Variants in AIPL1 observed in about 807,000 individuals in gnomAD.
The protein encoded by AIPL1 is AIP like 1 HSP90 co-chaperone.
Under a neutral mutation model 32.9 loss-of-function variants are expected in AIPL1, and 23 were observed. That is an observed-to-expected ratio of 0.70 (90% CI 0.50 to 0.99). AIPL1 has a LOEUF of 0.99. Ranked by LOEUF, AIPL1 falls within the 50% of genes least tolerant of loss-of-function variation. The probability of loss-of-function intolerance (pLI) is 0.00; values close to 1 mark genes in which losing one functional copy is unlikely to be tolerated. For missense variants in AIPL1, 485 were observed against 506.0 expected (o/e 0.96, Z 0.40); for synonymous variants, 210 against 209.4 (o/e 1.00, Z -0.02).
chr17:6,425,269 C>T lies in AIPL1; in HGVS notation c.*191G>A. On this transcript the variant is annotated 3_prime_UTR_variant, in exon 6 of 6. Transcript: ENST00000381129. ...GGAATGAGAGGGGTAGAGGAGAAAA[C>T]TACTTTTATTCATAAGCTCTTCTGT... 1 of 670,308 alleles carries T rather than the reference C, an allele frequency of 1.5e-6. No homozygotes were observed. Among genetic ancestry groups the T allele is most frequent in the Non-Finnish European group, 2.3e-6 (1 of 441,788 alleles). The allele number at this position is 670,308 out of a possible 1,614,324, so 41.5% of individuals were successfully genotyped here. A position where few individuals can be genotyped will look rare whatever the true frequency, so the allele number is the denominator to read the frequency against.
Position 6,425,313 on chromosome 17 carries a change from T to G in AIPL1, c.*147A>C, listed in dbSNP as rs886053267. 35 of 1,065,456 alleles carry G rather than the reference T, an allele frequency of 3.3e-5. No homozygotes were observed. Among genetic ancestry groups the G allele is most frequent in the South Asian group, 4.0e-5 (2 of 50,076 alleles). 66.0% of individuals were successfully genotyped at this position (1,065,456 alleles called of 1,614,324 possible). ...CTTCTGTACCCTTGGGATTGTTTTT[T>G]TTTTTTTTTTTACCATGGGTGTGTC... On this transcript the variant is annotated 3_prime_UTR_variant, in exon 6 of 6. Transcript: ENST00000381129.
At chr17:6,429,282 C>T (rs144823554) in intron 2 of AIPL1, among the ~76,000 whole-genome samples, 2 of 152,254 alleles carry the variant, frequency 1.3e-5, no homozygotes, top group Non-Finnish European at 2.9e-5. Context: ...CTCCTTGGAC[C>T]GGCTTCTGAG....
chr17:6,425,675 C>G lies in AIPL1; in HGVS notation c.940G>C (p.Glu314Gln). 1.2e-6 allele frequency: 2 copies of G among 1,610,252 alleles called. No individual in the cohort carries two copies. The highest frequency in any genetic ancestry group is 1.7e-6 in the Non-Finnish European group (2 of 1,179,974). ...CGCAGCCGCTCCTCCTCCTGCTTCT[C>G]CGCCATGCGGTTCTCCAGCAGCCTC... ...ELRLLENRMA[E>Q]KQEEERLRCR... The change falls in exon 6 of 6, where the codon GAG becomes CAG. Residue 314 changes from glutamate (E) to glutamine (Q), a missense_variant. By Grantham distance (29) the Glu-to-Gln change is conservative. Transcript: ENST00000381129.
chr17:6,424,211 A>T lies in AIPL1; in HGVS notation c.*1249T>A, dbSNP rs1458007902. On this transcript the variant is annotated 3_prime_UTR_variant, in exon 6 of 6. Coordinates refer to ENST00000381129, the MANE Select transcript of AIPL1 (RefSeq NM_014336.5). Reference sequence around the variant, plus strand: ...ACCAGACTAACTTGAAGATGAGCTAAAACAGGGGCGAGTGGAAGCGGCTTT... The same window carrying T: ...ACCAGACTAACTTGAAGATGAGCTATAACAGGGGCGAGTGGAAGCGGCTTT... The T allele has an allele frequency of 6.6e-6, 1 of 152,330 alleles. No homozygotes were observed. The highest frequency in any genetic ancestry group is 1.9e-4 in the East Asian group (1 of 5,202). 9.4% of individuals were successfully genotyped at this position (152,330 alleles called of 1,614,324 possible).
intron 2 of AIPL1, among the ~76,000 whole-genome samples, chr17:6,429,116 T>C (rs58467163): frequency 0.077 from 11,704 of 152,250 alleles, 1,127 homozygotes; most frequent in African/African-American, 0.22. Context: ...GGTGCAGATA[T>C]AGATCTGGCT....
chr17:6,434,125 TCTAGACA>T, intron 1 of AIPL1, 27 bp from the exon 2 acceptor site: 1 of 1,608,644 alleles, frequency 6.2e-7, no homozygotes, highest in Non-Finnish European at 8.5e-7. Context: ...TGCACTCTGC[TCTAGACA>T]CACTGTTCAA....
intron 2 of AIPL1, among the ~76,000 whole-genome samples, chr17:6,430,555 G>A (rs1030813090): frequency 7.3e-5 from 11 of 151,100 alleles, no homozygotes; most frequent in Admixed American, 7.3e-4. Flanking sequence ...GACTCCACAG[G>A]AAACAAAGAG....
rs77115868 is a variant in AIPL1, at chr17:6,425,307, G to GTTTTTT, written c.*147_*152dup. 4.0e-6 allele frequency: 3 copies of GTTTTTT among 745,702 alleles called. No homozygotes were observed. Among genetic ancestry groups the GTTTTTT allele is most frequent in the African/African-American group, 3.9e-5 (2 of 51,898 alleles). The allele number at this position is 745,702 out of a possible 1,614,324, so 46.2% of individuals were successfully genotyped here. On this transcript the variant is annotated 3_prime_UTR_variant, in exon 6 of 6. Coordinates refer to ENST00000381129, the MANE Select transcript of AIPL1 (RefSeq NM_014336.5). ...TAAGCTCTTCTGTACCCTTGGGATT[G>GTTTTTT]TTTTTTTTTTTTTTTTTACCATGGG...
At chr17:6,431,186 C>T (rs1204434726) in intron 2 of AIPL1, among the ~76,000 whole-genome samples, 2 of 152,096 alleles carry the variant, frequency 1.3e-5, no homozygotes, top group Non-Finnish European at 2.9e-5. Flanking sequence ...TGGCTCACGC[C>T]TGTAATCCCA....
intron 2 of AIPL1, among the ~76,000 whole-genome samples, chr17:6,431,183 C>T (rs763430399): frequency 9.2e-5 from 14 of 152,094 alleles, no homozygotes; most frequent in African/African-American, 1.9e-4. Flanking sequence ...TGGTGGCTCA[C>T]GCCTGTAATC....
At position 6,425,367 on chromosome 17, in the gene AIPL1, AT is replaced by A; in HGVS notation, c.*92del. On this transcript the variant is annotated 3_prime_UTR_variant, in exon 6 of 6. Coordinates refer to ENST00000381129, the MANE Select transcript of AIPL1 (RefSeq NM_014336.5). ...CTTTGATTTCAAAAATTAATTTTAA[AT>A]TTTAAAAAGTGACACCACGATCCTG... 1 of 1,418,544 alleles carries A rather than the reference AT, an allele frequency of 7.0e-7. No homozygotes were observed. Among genetic ancestry groups the A allele is most frequent in the Non-Finnish European group, 9.3e-7 (1 of 1,074,550 alleles). 87.9% of individuals were successfully genotyped at this position (1,418,544 alleles called of 1,614,324 possible). A position where few individuals can be genotyped will look rare whatever the true frequency, so the allele number is the denominator to read the frequency against.
chr17:6,433,050 C>T (rs1912765379), intron 2 of AIPL1, among the ~76,000 whole-genome samples: 1 of 152,212 alleles, frequency 6.6e-6, no homozygotes, highest in South Asian at 2.1e-4. Context: ...GTGGCCGGCA[C>T]TGGGTGACAG....
Position 6,425,804 on chromosome 17 carries a change from C to T in AIPL1, c.811G>A (p.Ala271Thr). ...PGIVKAYYVRARAHAEVWNEA... is the reference protein window; with the variant it reads ...PGIVKAYYVRTRAHAEVWNEA... Reference sequence around the variant, plus strand: ...TTCCACACCTCTGCGTGAGCCCGGGCACGCACGTAGTAGGCCTTCACGATG... The same window carrying T: ...TTCCACACCTCTGCGTGAGCCCGGGTACGCACGTAGTAGGCCTTCACGATG... The change falls in exon 6 of 6, where the codon GCC becomes ACC. Residue 271 changes from alanine (A) to threonine (T), a missense_variant. Transcript: ENST00000381129. 1 of 1,605,266 alleles carries T rather than the reference C, an allele frequency of 6.2e-7. No individual in the cohort carries two copies. The highest frequency in any genetic ancestry group is 1.3e-5 in the African/African-American group (1 of 75,046).
At chr17:6,426,847 C>A in intron 4 of AIPL1, 34 bp downstream of exon 4, 1 of 1,613,182 alleles carries the variant, frequency 6.2e-7, no homozygotes, top group African/African-American at 1.3e-5. Context: ...CCAGAGTCAG[C>A]GCCACTTCCC....
rs1339058418 is a variant in AIPL1 at position 6,424,960 on chromosome 17, GC to G, written c.*499del. The G allele has an allele frequency of 6.5e-6, 1 of 153,082 alleles. No individual in the cohort carries two copies. Among genetic ancestry groups the G allele is most frequent in the African/African-American group, 2.4e-5 (1 of 41,434 alleles). The allele number at this position is 153,082 out of a possible 1,614,324, so 9.5% of individuals were successfully genotyped here. On this transcript the variant is annotated 3_prime_UTR_variant, in exon 6 of 6. Coordinates refer to ENST00000381129, the MANE Select transcript of AIPL1 (RefSeq NM_014336.5). ...TCTCAGGCTAAGCTCCAGTGTCGGG[GC>G]TTGCCCACCCTACATCAAGACCCAC... is the stretch of plus-strand genomic sequence containing the variant.
chr17:6,426,203 C>A, intron 5 of AIPL1: 1 of 1,278,474 alleles, frequency 7.8e-7, no homozygotes. Flanking sequence ...GATGCATGAG[C>A]CAGGGGCTGG....
rs1236870882 is a variant in AIPL1 at position 6,435,044 on chromosome 17, T to C, written c.61A>G (p.Thr21Ala). 2 of 1,614,160 alleles carry C rather than the reference T, an allele frequency of 1.2e-6. No individual in the cohort carries two copies. The highest frequency in any genetic ancestry group is 1.7e-6 in the Non-Finnish European group (2 of 1,180,018). ...GVKKTILHGG[T>A]GELPNFITGS... ...GTGATGAAGTTTGGGAGCTCGCCCG[T>C]GCCCCCGTGCAGAATGGTTTTCTTG... The change falls in exon 1 of 6, where the codon ACG becomes GCG. Residue 21 changes from threonine to alanine, a missense_variant. By Grantham distance (58) the Thr-to-Ala change is moderately conservative. Coordinates refer to ENST00000381129, the MANE Select transcript of AIPL1 (RefSeq NM_014336.5).
At chr17:6,433,119 A>G (rs895911641) in intron 2 of AIPL1, among the ~76,000 whole-genome samples, 3 of 152,224 alleles carry the variant, frequency 2.0e-5, no homozygotes, top group African/African-American at 7.2e-5. Context: ...AAGTTCCCAT[A>G]AGAAACGTTG....
intron 2 of AIPL1, among the ~76,000 whole-genome samples, chr17:6,433,607 TCTCTCACACA>T (rs1488592895): frequency 3.1e-5 from 4 of 128,814 alleles, no homozygotes; most frequent in African/African-American, 1.3e-4. Flanking sequence ...TCTCTCTCTC[TCTCTCACACA>T]CACACACACA....
Sources: gnomAD v4.1 joint callset for allele counts (sites outside exome capture counted in the v4.1 genomes callset) on GRCh38, gnomAD v4.1.1 for gene constraint, MANE v1.5 for transcripts, NCBI Gene and HGNC (gene_info 2026-07-23, HGNC 2026-07-21) for gene names.